The following SPART variants were observed in gnomAD, a reference collection of about 807,000 sequenced individuals.
SPART encodes spastic paraplegia 20 (Troyer syndrome).
A neutral mutation model predicts 58.7 loss-of-function variants in SPART; 35 were observed. That is an observed-to-expected ratio of 0.60 (90% CI 0.46 to 0.79). SPART has a LOEUF of 0.79. Among genes scored for constraint, SPART ranks in the 30% least tolerant of loss-of-function variants. SPART has a pLI of 0.00. For missense variants in SPART, 730 were observed against 786.1 expected (o/e 0.93, Z 0.85); for synonymous variants, 284 against 280.7 (o/e 1.01, Z -0.12).
At chr13:36,313,654 C>T (rs1267529337) in intron 6 of SPART, among the ~76,000 whole-genome samples, 2 of 152,172 alleles carry the variant, frequency 1.3e-5, no homozygotes, top group Admixed American at 1.3e-4. Flanking sequence ...CAAATACTTA[C>T]CATTGTGTTA....
chr13:36,350,222 C>T (rs1433020705), upstream of SPART, among the ~76,000 whole-genome samples: 1 of 152,172 alleles, frequency 6.6e-6, no homozygotes, highest in Non-Finnish European at 1.5e-5. Flanking sequence ...AGGGCTTCCC[C>T]GAATTCCTTA....
At chr13:36,323,951 G>A (rs201480425) in intron 5 of SPART, among the ~76,000 whole-genome samples, 1 of 152,170 alleles carries the variant, frequency 6.6e-6, no homozygotes, top group East Asian at 1.9e-4. Flanking sequence ...ATGCACTGCT[G>A]AAAGTTCTTT....
At chr13:36,310,018 A>G (rs1213212822) in intron 8 of SPART, among the ~76,000 whole-genome samples, 1 of 152,254 alleles carries the variant, frequency 6.6e-6, no homozygotes, top group Non-Finnish European at 1.5e-5. Flanking sequence ...ACTGTAGAGC[A>G]CAGGTTCTGA....
chr13:36,317,920 T>C (rs112607639), intron 5 of SPART, among the ~76,000 whole-genome samples: 35,408 of 152,090 alleles, frequency 0.23, 4,601 homozygotes, highest in South Asian at 0.35. Context: ...TGTTGTAAAA[T>C]AGGCAAATGG....
At chr13:36,323,921 T>G (rs1301773856) in intron 5 of SPART, among the ~76,000 whole-genome samples, 1 of 152,106 alleles carries the variant, frequency 6.6e-6, no homozygotes, top group African/African-American at 2.4e-5. Flanking sequence ...CAGAACACAG[T>G]TTTTGCTTGT....
rs78150348 is a variant in SPART, at chr13:36,337,938, C to T, written c.-2-2106G>A. On this transcript the variant is annotated intron_variant, in intron 1 of 8. Transcript: ENST00000438666. ...AGATCTACCATTAATAACATATTTT[C>T]TATTCCTGAAATTGTGAAGAAGGAA... Among the ~76,000 whole-genome samples the T allele has an allele frequency of 7.4e-3, 1,128 of 152,256 alleles. 7 individuals are homozygous for T. Among genetic ancestry groups the T allele is most frequent in the African/African-American group, 0.023 (962 of 41,540 alleles).
chr13:36,331,712 A>G, intron 2 of SPART, 116 bp from the exon 3 acceptor site: 2 of 768,588 alleles, frequency 2.6e-6, no homozygotes, highest in South Asian at 1.8e-5. Context: ...AGTTGGAAAC[A>G]TATTTTAAAA....
chr13:36,309,315 G>A (rs555892033), intron 8 of SPART, among the ~76,000 whole-genome samples: 1 of 151,302 alleles, frequency 6.6e-6, no homozygotes, highest in Admixed American at 6.6e-5. Flanking sequence ...AGGTATGTAT[G>A]TCCCAGAATG....
In SPART at chr13:36,316,779, G is replaced by C. The variant is rs555756898; in HGVS notation, c.1289-2358C>G. On this transcript the variant is annotated intron_variant, in intron 5 of 8. Coordinates refer to ENST00000438666, the MANE Select transcript of SPART (RefSeq NM_015087.5). ...CACACAGACGCGCATGAAATTTGGT[G>C]CCGTGACTCGGATCAGGGGACCTCC... Among the ~76,000 whole-genome samples, 9 of 152,262 alleles carry C rather than the reference G, an allele frequency of 5.9e-5. No individual in the cohort carries two copies. The East Asian group carries it at 1.7e-3, about 29-fold the overall frequency.
chr13:36,321,075 G>A (rs939198300), intron 5 of SPART, among the ~76,000 whole-genome samples: 2 of 152,114 alleles, frequency 1.3e-5, no homozygotes, highest in Non-Finnish European at 2.9e-5. Flanking sequence ...GAATGCTACA[G>A]GGTACAGCCC....
chr13:36,351,656 T>A (rs1566146313), intron 1 of SPART, among the ~76,000 whole-genome samples: 1 of 152,178 alleles, frequency 6.6e-6, no homozygotes, highest in Admixed American at 6.5e-5. Flanking sequence ...CCTATTTGGG[T>A]TTTAGGCATG....
At chr13:36,316,484 C>T (rs560710987) in intron 5 of SPART, among the ~76,000 whole-genome samples, 60 of 152,292 alleles carry the variant, frequency 3.9e-4, no homozygotes, top group Non-Finnish European at 7.5e-4. Context: ...ATGGCCACTC[C>T]TTGCCTTAAG....
At chr13:36,344,786 AAGAC>A (rs2137652687) in intron 1 of SPART, among the ~76,000 whole-genome samples, 1 of 152,328 alleles carries the variant, frequency 6.6e-6, no homozygotes, top group Non-Finnish European at 1.5e-5. Context: ...CAAAGTTAAG[AAGAC>A]AAAGTCTTTG....
chr13:36,349,313 T>G (rs994222607), upstream of SPART, among the ~76,000 whole-genome samples: 2 of 152,160 alleles, frequency 1.3e-5, no homozygotes, highest in African/African-American at 4.8e-5. Flanking sequence ...ATTTTTGTTT[T>G]ATGAGGTATG....
At position 36,307,728 on chromosome 13, in the gene SPART, T is replaced by G. The variant is rs77437696; in HGVS notation, c.1734-3096A>C. On this transcript the variant is annotated intron_variant, in intron 8 of 8. Coordinates refer to ENST00000438666, the MANE Select transcript of SPART (RefSeq NM_015087.5). ...GTAGCAGGTTTAAAGTTACTTATTG[T>G]TTTTCATTATTCCTGTATGTCTTCA... Among the ~76,000 whole-genome samples the G allele has an allele frequency of 3.0e-3, 453 of 152,212 alleles. 10 individuals carry two copies. The South Asian group carries it at 0.043, about 14-fold the overall frequency.
intron 8 of SPART, among the ~76,000 whole-genome samples, chr13:36,307,952 T>G (rs1177559222): frequency 6.6e-6 from 1 of 152,124 alleles, no homozygotes; most frequent in African/African-American, 2.4e-5. Context: ...TTAAAGGACA[T>G]TTAAAATAAC....
intron 8 of SPART, among the ~76,000 whole-genome samples, chr13:36,305,038 T>C (rs1880375640): frequency 6.6e-6 from 1 of 152,198 alleles, no homozygotes; most frequent in African/African-American, 2.4e-5. Flanking sequence ...AGTTCTACCT[T>C]AACCAGACTT....
intron 5 of SPART, among the ~76,000 whole-genome samples, chr13:36,322,507 G>T (rs1263559264): frequency 6.6e-6 from 1 of 152,108 alleles, no homozygotes; most frequent in African/African-American, 2.4e-5. Flanking sequence ...TTCTCTCCTG[G>T]TAAAAAGCTA....
chr13:36,316,700 C>G (rs953323734), intron 5 of SPART, among the ~76,000 whole-genome samples: 2 of 152,164 alleles, frequency 1.3e-5, no homozygotes, highest in Admixed American at 6.5e-5. Flanking sequence ...CTGCCTGCAC[C>G]CAGGTGAAAT....
Sources: allele counts gnomAD v4.1 joint callset (sites outside exome capture counted in the v4.1 genomes callset), GRCh38; gene constraint gnomAD v4.1.1; transcripts MANE v1.5; gene names NCBI Gene and HGNC (gene_info 2026-07-23, HGNC 2026-07-21).